SPSB2: variants seen among roughly 807,000 people sequenced by gnomAD.
SPSB2 encodes splA/ryanodine receptor domain and SOCS box containing 2.
In SPSB2, 25 loss-of-function variants were observed where a neutral mutation model predicts 19.2. That is an observed-to-expected ratio of 1.30 (90% CI 0.95 to 1.82). The LOEUF (loss-of-function observed/expected upper bound fraction) is 1.82, where lower values mean the gene tolerates loss of function less well. Among genes scored for constraint, SPSB2 ranks in the 40% most tolerant of loss-of-function variants. The pLI is 0.00. For synonymous variants in SPSB2, 153 were observed against 154.9 expected (o/e 0.99, Z 0.09); for missense variants, 413 against 344.9 (o/e 1.20, Z -1.56).
Position 6,872,353 on chromosome 12 carries a change from C to T in SPSB2, c.549G>A (p.Gly183=). The part of the protein sequence containing the change: ...MEEGTLGYAI[G]GTYLGPAFRG... Reference sequence around the variant, plus strand: ...GGAATGCTGGCCCCAGGTAGGTGCCCCCAATAGCGTAGCCCAGAGTTCCCT... The same window carrying T: ...GGAATGCTGGCCCCAGGTAGGTGCCTCCAATAGCGTAGCCCAGAGTTCCCT... The change falls in exon 2 of 3, where the codon GGG becomes GGA. Residue 183 remains glycine, a synonymous_variant. Coordinates refer to ENST00000524270, the MANE Select transcript of SPSB2 (RefSeq NM_032641.4). 1.2e-6 allele frequency: 2 copies of T among 1,614,222 alleles called. No homozygotes were observed. Among genetic ancestry groups the T allele is most frequent in the Non-Finnish European group, 1.7e-6 (2 of 1,180,028 alleles).
chr12:6,873,183 A>C (rs6489739), intron 1 of SPSB2, 63 bp downstream of exon 1: 144,708 of 396,602 alleles, frequency 0.36, 31,110 homozygotes, highest in African/African-American at 0.72. Context: ...AGTTCGCCCC[A>C]TTTGGGCCTC....
rs1944582569 is a variant in SPSB2, at chr12:6,871,140, C to T, written c.*52G>A. On this transcript the variant is annotated 3_prime_UTR_variant, in exon 3 of 3. Coordinates refer to ENST00000524270, the MANE Select transcript of SPSB2 (RefSeq NM_032641.4). ...GGCCAGCAGTGCCTCCCCACCTCCCCAAGGGGAGGGGTGGTGGCAAGACCT... is the reference window on the plus strand; with the variant it reads ...GGCCAGCAGTGCCTCCCCACCTCCCTAAGGGGAGGGGTGGTGGCAAGACCT... 6.4e-7 allele frequency: 1 copy of T among 1,555,554 alleles called. No homozygotes were observed. Among genetic ancestry groups the T allele is most frequent in the Non-Finnish European group, 8.7e-7 (1 of 1,149,902 alleles).
intron 2 of SPSB2, 184 bp downstream of exon 2, chr12:6,872,054 C>T (rs782111484): frequency 2.0e-6 from 3 of 1,534,880 alleles, no homozygotes; most frequent in Non-Finnish European, 2.6e-6. Context: ...CCTGTTTCAC[C>T]TCTATTGCTG....
chr12:6,871,636 C>A, intron 2 of SPSB2: 2 of 446,418 alleles, frequency 4.5e-6, no homozygotes, highest in Non-Finnish European at 8.1e-6. Context: ...GGATGGCCCT[C>A]CACTCTACAG....
chr12:6,873,044 C>T (rs1944632802), intron 1 of SPSB2, 47 bp from the exon 2 acceptor site: 1 of 607,354 alleles, frequency 1.6e-6, no homozygotes, highest in East Asian at 2.8e-5. Flanking sequence ...GGGGGCTCGT[C>T]ACCCAGGTAC....
intron 2 of SPSB2, chr12:6,871,963 C>T (rs1944603978): frequency 7.0e-7 from 1 of 1,438,320 alleles, no homozygotes; most frequent in Non-Finnish European, 9.1e-7. Context: ...CCTGAATTCT[C>T]TCATCCCTGC....
intron 2 of SPSB2, chr12:6,871,766 A>T (rs894868078): frequency 8.2e-6 from 3 of 366,966 alleles, no homozygotes; most frequent in Non-Finnish European, 1.5e-5. Flanking sequence ...CCTGGTGCCC[A>T]GGGCCCCAGT....
At chr12:6,871,815 A>G in intron 2 of SPSB2, 1 of 465,288 alleles carries the variant, frequency 2.1e-6, no homozygotes, top group Middle Eastern at 5.9e-4. Context: ...GGAAGTAGGT[A>G]TGTGGCACAG....
At position 6,870,983 on chromosome 12, in the gene SPSB2, G is replaced by T. The variant is rs572293654; in HGVS notation, c.*209C>A. The stretch of plus-strand genomic sequence containing the variant: ...ATTTTTACTTGAAAAAATGTTTTGC[G>T]TAGCAGACTGTCATAGCCTTGAACG... On this transcript the variant is annotated 3_prime_UTR_variant, in exon 3 of 3. Coordinates refer to ENST00000524270, the MANE Select transcript of SPSB2 (RefSeq NM_032641.4). 4 of 686,630 alleles carry T rather than the reference G, an allele frequency of 5.8e-6. No homozygotes were observed. The highest frequency in any genetic ancestry group is 2.2e-5 in the Admixed American group (1 of 45,912). 42.5% of individuals were successfully genotyped at this position (686,630 alleles called of 1,614,324 possible).
At chr12:6,872,205 G>T in intron 2 of SPSB2, 33 bp downstream of exon 2, 6 of 1,613,924 alleles carry the variant, frequency 3.7e-6, no homozygotes, top group Non-Finnish European at 5.1e-6. Flanking sequence ...ACCAGGGACA[G>T]AAAGTTCTCC....
chr12:6,872,560 C>G lies in SPSB2; in HGVS notation c.342G>C (p.Pro114=), dbSNP rs782315599. 3 of 1,609,544 alleles carry G rather than the reference C, an allele frequency of 1.9e-6. No individual in the cohort carries two copies. Among genetic ancestry groups the G allele is most frequent in the African/African-American group, 2.7e-5 (2 of 75,050 alleles). The change falls in exon 2 of 3, where the codon CCG becomes CCC. Residue 114 remains proline, a synonymous_variant. Transcript: ENST00000524270. ...AVVGVATALA[P]LQTDHYAALL... Reference sequence around the variant, plus strand: ...GCGCCGCGTAGTGGTCAGTCTGCAGCGGGGCGAGGGCCGTGGCCACGCCCA... The same window carrying G: ...GCGCCGCGTAGTGGTCAGTCTGCAGGGGGGCGAGGGCCGTGGCCACGCCCA...
chr12:6,871,522 C>G, intron 2 of SPSB2: 2 of 623,024 alleles, frequency 3.2e-6, no homozygotes, highest in Non-Finnish European at 5.5e-6. Context: ...GGGTGAAGAG[C>G]TGGCTAAGGC....
In SPSB2 at chr12:6,871,277, C is replaced by T. The variant is rs782167675; in HGVS notation, c.707G>A (p.Arg236His). 1.8e-5 allele frequency: 29 copies of T among 1,613,832 alleles called. No individual in the cohort carries two copies. The highest frequency in any genetic ancestry group is 2.2e-5 in the Non-Finnish European group (26 of 1,179,990). Reference sequence around the variant, plus strand: ...GAGCCGGGTATCCCCCAGGTTGTGGCGCACACACAGGCGGCTCAGGTGCAG... The same window carrying T: ...GAGCCGGGTATCCCCCAGGTTGTGGTGCACACACAGGCGGCTCAGGTGCAG... ...SLLHLSRLCV[R>H]HNLGDTRLGQ... Residue 236 changes from arginine to histidine, a missense_variant, in exon 3 of 3, where the codon CGC (arginine) becomes CAC (histidine). By Grantham distance (29) the Arg-to-His change is conservative (BLOSUM62 0). Transcript: ENST00000524270.
Position 6,871,015 on chromosome 12 carries a change from C to G in SPSB2, c.*177G>C, listed in dbSNP as rs1274640196. 242 of 745,926 alleles carry G rather than the reference C, an allele frequency of 3.2e-4. 1 individual carries two copies. The East Asian group carries it at 6.4e-3, about 20-fold the overall frequency. 46.2% of individuals were successfully genotyped at this position (745,926 alleles called of 1,614,324 possible). A position where few individuals can be genotyped will look rare whatever the true frequency, so the allele number is the denominator to read the frequency against. On this transcript the variant is annotated 3_prime_UTR_variant, in exon 3 of 3. Transcript: ENST00000524270. ...ACTGTCATAGCCTTGAACGCCGGCT[C>G]CCTTTCTTCCTCCCTCCAAGTGGCT...
chr12:6,871,644 C>G (rs1466852749), intron 2 of SPSB2: 3 of 425,960 alleles, frequency 7.0e-6, no homozygotes, highest in Non-Finnish European at 8.5e-6. Context: ...CTCCACTCTA[C>G]AGCCCACACA....
chr12:6,871,799 GAGGA>G, intron 2 of SPSB2: 1 of 426,510 alleles, frequency 2.3e-6, no homozygotes, highest in Non-Finnish European at 4.2e-6. Context: ...AGGTGTGGCT[GAGGA>G]AGGAAGTAGG....
chr12:6,871,319 G>A lies in SPSB2; in HGVS notation c.665C>T (p.Ala222Val), dbSNP rs782437142. The change falls in exon 3 of 3, where the codon GCG becomes GTG. Residue 222 changes from alanine to valine, a missense_variant and splice_region_variant. By Grantham distance (64) the Ala-to-Val change is moderately conservative (BLOSUM62 0). Coordinates refer to ENST00000524270, the MANE Select transcript of SPSB2 (RefSeq NM_032641.4). ...VRIRYLGERR[A>V]EPHSLLHLSR... ...CAGGTGCAGAAGGGAGTGTGGCTCCGCTGGGAGAGAGAAGGAGGGGAATGT... is the reference window on the plus strand; with the variant it reads ...CAGGTGCAGAAGGGAGTGTGGCTCCACTGGGAGAGAGAAGGAGGGGAATGT... The A allele has an allele frequency of 6.8e-6, 11 of 1,611,952 alleles. No homozygotes were observed. The highest frequency in any genetic ancestry group is 2.2e-5 in the South Asian group (2 of 90,942).
In SPSB2 at chr12:6,872,666, CG is replaced by C; in HGVS notation, c.235del (p.Arg79GlyfsTer19). ...GCCCCTTGAATAGCCCCTCTTACCC[CG>C]GGCCCCATCAGTGCTCTGGGCCACG... is the stretch of plus-strand genomic sequence containing the variant. ...RPVAQSTDGA[R>X]GKRGYSRGLH... On this transcript the variant is annotated frameshift_variant, in exon 2 of 3. Coordinates refer to ENST00000524270, the MANE Select transcript of SPSB2 (RefSeq NM_032641.4). LOFTEE classifies it high-confidence loss of function. 1.9e-6 allele frequency: 3 copies of C among 1,612,452 alleles called. No individual in the cohort carries two copies. The highest frequency in any genetic ancestry group is 2.5e-6 in the Non-Finnish European group (3 of 1,179,992).
Position 6,871,168 on chromosome 12 carries a change from GCA to G in SPSB2, c.*22_*23del, listed in dbSNP as rs782595692. 1.3e-6 allele frequency: 2 copies of G among 1,576,460 alleles called. No homozygotes were observed. Among genetic ancestry groups the G allele is most frequent in the South Asian group, 1.2e-5 (1 of 86,580 alleles). ...GGGGAGGGGTGGTGGCAAGACCTCA[GCA>G]CAGTCTGTGGTATCACAGGGCTCAC... On this transcript the variant is annotated 3_prime_UTR_variant, in exon 3 of 3. Transcript: ENST00000524270.
Sources: allele counts gnomAD v4.1 joint callset, GRCh38; gene constraint gnomAD v4.1.1; transcripts MANE v1.5; gene names NCBI Gene and HGNC (gene_info 2026-07-23, HGNC 2026-07-21).